Variants in TEX2 observed in about 807,000 individuals in gnomAD.
TEX2 encodes testis-expressed protein 2.
Under a neutral mutation model 106.9 loss-of-function variants are expected in TEX2, and 53 were observed. The observed-to-expected ratio is 0.50, with a 90% CI of 0.40 to 0.62. The LOEUF (loss-of-function observed/expected upper bound fraction) is 0.62. Ranked by LOEUF, TEX2 falls within the 20% of genes least tolerant of loss-of-function variation. TEX2 has a pLI of 0.00. For synonymous variants in TEX2, 523 were observed against 534.8 expected (o/e 0.98, Z 0.30); for missense variants, 1,207 against 1,379.0 (o/e 0.88, Z 1.98).
chr17:64,211,972 CTCCG>C (rs2033015356), intron 2 of TEX2, among the ~76,000 whole-genome samples: 1 of 152,230 alleles, frequency 6.6e-6, no homozygotes. Flanking sequence ...CATAGTGAGA[CTCCG>C]TCTCAATCGA....
intron 6 of TEX2, among the ~76,000 whole-genome samples, chr17:64,175,708 C>T (rs78514503): frequency 2.6e-5 from 4 of 152,222 alleles, no homozygotes; most frequent in African/African-American, 9.7e-5. Flanking sequence ...ACCCAAGTAT[C>T]TGGGACCACA....
rs1442970755 is a variant in TEX2 at position 64,152,956 on chromosome 17, A to G, written c.3129T>C (p.Thr1043=). Residue 1043 remains threonine, a synonymous_variant, in exon 10 of 12, where the codon ACT becomes ACC. Transcript: ENST00000584379. Reference sequence around the variant, plus strand: ...GGCCCTCTACGCACCATACTCGGTCAGTCGGGGGTGGTGGAATGTTGACCG... The same window carrying G: ...GGCCCTCTACGCACCATACTCGGTCGGTCGGGGGTGGTGGAATGTTGACCG... ...TLAVNIPPPP[T]DRVWYGFRKP... The G allele has an allele frequency of 1.9e-6, 3 of 1,613,892 alleles. No homozygotes were observed. The highest frequency in any genetic ancestry group is 2.7e-5 in the African/African-American group (2 of 74,918).
intron 1 of TEX2, among the ~76,000 whole-genome samples, chr17:64,231,524 T>C (rs1000071050): frequency 1.3e-4 from 20 of 152,226 alleles, no homozygotes; most frequent in African/African-American, 4.6e-4. Context: ...GGACCGTCTC[T>C]GGGGTTCCTG....
intron 1 of TEX2, among the ~76,000 whole-genome samples, chr17:64,253,898 C>T (rs2034137767): frequency 6.6e-6 from 1 of 152,120 alleles, no homozygotes. Context: ...ATTTTTAACA[C>T]ATTTATCAAG....
rs1555632063 is a variant in TEX2 at position 64,213,494 on chromosome 17, G to T, written c.724C>A (p.Leu242Met). Reference protein sequence around the residue: ...TVSYKPPDSKLNLHLFKQFTQ... With the variant: ...TVSYKPPDSKMNLHLFKQFTQ... ...AACTGCTTGAACAGGTGTAAGTTCA[G>T]TTTGGAATCAGGTGGCTTATAGGAC... The change falls in exon 2 of 12, where the codon CTG becomes ATG. Residue 242 changes from leucine to methionine, a missense_variant. Physicochemically the swap from Leu to Met is conservative, Grantham distance 15 (BLOSUM62 2). This residue lies in a region of TEX2 where 1,067 missense variants were observed against 1,193.6 expected (regional missense o/e 0.89). Coordinates refer to ENST00000584379, the MANE Select transcript of TEX2 (RefSeq NM_001288732.2). This position sits in a 1 kb window ranked among gnomAD's most constrained non-coding sequence, Gnocchi z 4.4. 6.2e-7 allele frequency: 1 copy of T among 1,614,170 alleles called. No homozygotes were observed. Among genetic ancestry groups the T allele is most frequent in the Middle Eastern group, 1.6e-4 (1 of 6,062 alleles).
intron 1 of TEX2, among the ~76,000 whole-genome samples, chr17:64,232,530 T>C (rs2033681038): frequency 6.6e-6 from 1 of 152,200 alleles, no homozygotes; most frequent in Non-Finnish European, 1.5e-5. Context: ...TAAGCATAGC[T>C]GAGCAAGCAA....
At chr17:64,160,984 T>C (rs755784554) in intron 7 of TEX2, 51 bp from the exon 8 acceptor site, 2 of 1,572,428 alleles carry the variant, frequency 1.3e-6, no homozygotes, top group South Asian at 1.2e-5. Flanking sequence ...AAAAAACACA[T>C]GACTATAAAT....
At chr17:64,149,987 G>A (rs1238534187) in intron 11 of TEX2, 2 of 151,576 alleles carry the variant, frequency 1.3e-5, no homozygotes, top group South Asian at 2.1e-4. Flanking sequence ...CCCTCAGTAG[G>A]TTCAAAGTAC....
chr17:64,201,511 C>T (rs1279566043), intron 2 of TEX2, among the ~76,000 whole-genome samples: 3 of 152,126 alleles, frequency 2.0e-5, no homozygotes, highest in South Asian at 2.1e-4. Flanking sequence ...CAATTCCCTA[C>T]GATTTTACAG....
intron 2 of TEX2, among the ~76,000 whole-genome samples, chr17:64,210,398 T>C (rs895408818): frequency 1.2e-4 from 19 of 152,172 alleles, no homozygotes; most frequent in Non-Finnish European, 1.5e-5. Flanking sequence ...AGTATGCATG[T>C]ATGTGATGCA....
intron 6 of TEX2, 100 bp from the exon 7 acceptor site, chr17:64,171,299 T>C: frequency 1.1e-6 from 1 of 923,182 alleles, no homozygotes. Context: ...GGCCAAGGTT[T>C]TGGGGACATA....
chr17:64,245,176 T>C (rs760346212), intron 1 of TEX2, among the ~76,000 whole-genome samples: 7 of 152,208 alleles, frequency 4.6e-5, no homozygotes, highest in Non-Finnish European at 7.3e-5. Context: ...ACTATTATTT[T>C]TACAATGACT....
At chr17:64,152,833 G>C (rs1327105848) in intron 10 of TEX2, 112 bp downstream of exon 10, 1 of 1,063,494 alleles carries the variant, frequency 9.4e-7, no homozygotes, top group African/African-American at 1.6e-5. Flanking sequence ...GTTTGGAAGT[G>C]CTTCTGCCCG....
intron 1 of TEX2, among the ~76,000 whole-genome samples, chr17:64,216,673 C>A (rs555726684): frequency 1.5e-4 from 23 of 152,328 alleles, no homozygotes; most frequent in South Asian, 6.2e-4. Flanking sequence ...CAGAAGCCTG[C>A]GGTCTCAGCA....
At chr17:64,158,018 A>G (rs1385972686) in intron 8 of TEX2, among the ~76,000 whole-genome samples, 1 of 152,234 alleles carries the variant, frequency 6.6e-6, no homozygotes, top group Non-Finnish European at 1.5e-5. Flanking sequence ...GCAGTTCCTA[A>G]AGCAGAGGCT....
chr17:64,191,817 C>CAAAAAAAAAAAAAAAAAAA (rs58376086), intron 4 of TEX2, among the ~76,000 whole-genome samples: 13 of 119,906 alleles, frequency 1.1e-4, no homozygotes, highest in African/African-American at 1.5e-4. Context: ...GACTCCATCT[C>CAAAAAAAAAAAAAAAAAAA]AAAAAAAAAA....
rs376293835 is a variant in TEX2 at position 64,213,675 on chromosome 17, G to A, written c.543C>T (p.Thr181=). 2.5e-6 allele frequency: 4 copies of A among 1,614,062 alleles called. No individual in the cohort carries two copies. Among genetic ancestry groups the A allele is most frequent in the African/African-American group, 2.7e-5 (2 of 74,918 alleles). The change falls in exon 2 of 12, where the codon ACC becomes ACT. Residue 181 remains threonine, a synonymous_variant. Transcript: ENST00000584379. This position sits in a 1 kb window ranked among gnomAD's most constrained non-coding sequence, Gnocchi z 4.4. ...TCATGAAGGGTTTTGCACTGGAAAG[G>A]GTGGAGGTTGAGGCACTGGATGAGA... The part of the protein sequence containing the change: ...PILSSSASTS[T]LSSAKPFMSL...
Position 64,213,744 on chromosome 17 carries a change from G to T in TEX2, c.474C>A (p.Thr158=), listed in dbSNP as rs1555632158. 1 of 1,614,140 alleles carries T rather than the reference G, an allele frequency of 6.2e-7. No homozygotes were observed. The highest frequency in any genetic ancestry group is 2.2e-5 in the East Asian group (1 of 44,886). Residue 158 remains threonine (T), a synonymous_variant, in exon 2 of 12, where the codon ACC becomes ACA. Transcript: ENST00000584379. This position sits in a 1 kb window ranked among gnomAD's most constrained non-coding sequence, Gnocchi z 4.4. ...GAGAGGACAATGGGGAGGAAGAACT[G>T]GTTTTCTGCTCAGAAAGGGATGACA... The part of the protein sequence containing the change: ...PSVSSLSEQK[T]SSSSPLSSPS...
At chr17:64,235,465 C>CTGT (rs1218989814) in intron 1 of TEX2, among the ~76,000 whole-genome samples, 1 of 152,186 alleles carries the variant, frequency 6.6e-6, no homozygotes, top group African/African-American at 2.4e-5. Flanking sequence ...CCTATCTACC[C>CTGT]AGGGGGAACA....
Sources: gnomAD v4.1 joint callset for allele counts (sites outside exome capture counted in the v4.1 genomes callset) on GRCh38, gnomAD v4.1.1 for gene constraint, gnomAD v4.1.1 regional missense constraint, Gnocchi (gnomAD v3.1) non-coding constraint, MANE v1.5 for transcripts, NCBI Gene and HGNC (gene_info 2026-07-23, HGNC 2026-07-21) for gene names.